Variants in SLC14A2 observed in about 807,000 individuals in gnomAD.
The protein encoded by SLC14A2 is urea transporter 2.
Under a neutral mutation model 104.6 loss-of-function variants are expected in SLC14A2, and 91 were observed. The observed-to-expected ratio is 0.87, with a 90% CI of 0.73 to 1.04. SLC14A2 has a LOEUF of 1.04. Among genes scored for constraint, SLC14A2 ranks in the 50% least tolerant of loss-of-function variants. The pLI, the probability that SLC14A2 is intolerant of heterozygous loss-of-function variation, is 0.00. For synonymous variants in SLC14A2, 476 were observed against 466.4 expected, an observed-to-expected ratio of 1.02 and a Z score of -0.27; for missense variants, 1,189 against 1,156.0, an observed-to-expected ratio of 1.03 and a Z score of -0.41.
chr18:45,581,566 C>T (rs190789928), intron 2 of SLC14A2, among the ~76,000 whole-genome samples: 1 of 152,282 alleles, frequency 6.6e-6, no homozygotes, highest in Non-Finnish European at 1.5e-5. Flanking sequence ...GTCTTACAGA[C>T]TGAGTTTTAA....
intron 1 of SLC14A2, among the ~76,000 whole-genome samples, chr18:45,459,145 G>A (rs1449381559): frequency 1.3e-5 from 2 of 152,080 alleles, no homozygotes; most frequent in East Asian, 1.9e-4. Flanking sequence ...CAATGGAAAG[G>A]GCACCAGCCA....
At chr18:45,537,782 C>T (rs1290960035) in intron 2 of SLC14A2, among the ~76,000 whole-genome samples, 1 of 152,010 alleles carries the variant, frequency 6.6e-6, no homozygotes, top group African/African-American at 2.4e-5. Context: ...AAGAGTTGCC[C>T]CTAACTGCAA....
At chr18:45,544,427 A>T (rs1025384626) in intron 2 of SLC14A2, among the ~76,000 whole-genome samples, 11 of 152,218 alleles carry the variant, frequency 7.2e-5, no homozygotes, top group Non-Finnish European at 1.5e-4. Context: ...ACTTTTTCTT[A>T]TACAACTTTC....
At chr18:45,280,401 A>T (rs144419649) in intron 1 of SLC14A2, among the ~76,000 whole-genome samples, 2 of 152,306 alleles carry the variant, frequency 1.3e-5, no homozygotes, top group East Asian at 3.9e-4. Flanking sequence ...AGGGGCCACA[A>T]GCAGGTTGGA....
chr18:45,331,690 CAAAA>C (rs11348476), intron 1 of SLC14A2, among the ~76,000 whole-genome samples: 8 of 87,456 alleles, frequency 9.1e-5, no homozygotes, highest in African/African-American at 2.3e-4. Context: ...GACTCCGTCT[CAAAA>C]AAAAAAAAAA....
intron 2 of SLC14A2, among the ~76,000 whole-genome samples, chr18:45,531,289 T>C (rs1004256603): frequency 6.6e-6 from 1 of 152,196 alleles, no homozygotes; most frequent in Non-Finnish European, 1.5e-5. Context: ...ACTTCCACAA[T>C]GGTTGAACTA....
At chr18:45,293,668 T>G (rs1206760617) in intron 1 of SLC14A2, among the ~76,000 whole-genome samples, 1 of 152,204 alleles carries the variant, frequency 6.6e-6, no homozygotes, top group Non-Finnish European at 1.5e-5. Flanking sequence ...AGTTTGATCT[T>G]TAAAGCGGGA....
intron 2 of SLC14A2, among the ~76,000 whole-genome samples, chr18:45,545,939 G>T (rs1047442044): frequency 3.3e-5 from 5 of 152,004 alleles, no homozygotes; most frequent in Non-Finnish European, 5.9e-5. Flanking sequence ...TCGTTTATTT[G>T]CACTCATATA....
chr18:45,358,956 G>A (rs956178853), intron 1 of SLC14A2, among the ~76,000 whole-genome samples: 1 of 152,186 alleles, frequency 6.6e-6, no homozygotes, highest in Non-Finnish European at 1.5e-5. Flanking sequence ...TTGAATATCA[G>A]ATCCAAACCT....
chr18:45,234,922 G>A (rs970071620), intron 1 of SLC14A2, among the ~76,000 whole-genome samples: 6 of 151,968 alleles, frequency 3.9e-5, no homozygotes, highest in African/African-American at 1.2e-4. Flanking sequence ...GACAGATGAA[G>A]CAGGTGTTAG....
At chr18:45,560,019 T>G (rs2044181307) in intron 2 of SLC14A2, among the ~76,000 whole-genome samples, 2 of 152,218 alleles carry the variant, frequency 1.3e-5, no homozygotes. Context: ...AAATGTCCTC[T>G]GCCTACACGT....
At chr18:45,682,194 A>G (rs2046320277) in intron 19 of SLC14A2, 125 bp from the exon 20 acceptor site, 1 of 791,296 alleles carries the variant, frequency 1.3e-6, no homozygotes, top group East Asian at 2.4e-5. Context: ...ATTGGTCATC[A>G]ATGAAGTATC....
chr18:45,214,205 G>T (rs2083987304), intron 1 of SLC14A2, among the ~76,000 whole-genome samples: 1 of 152,170 alleles, frequency 6.6e-6, no homozygotes, highest in East Asian at 1.9e-4. Flanking sequence ...AATGAGAATT[G>T]TATAAATTTA....
chr18:45,636,701 T>A (rs924343386), intron 5 of SLC14A2, among the ~76,000 whole-genome samples: 1 of 152,192 alleles, frequency 6.6e-6, no homozygotes, highest in Non-Finnish European at 1.5e-5. Context: ...TTTTATAAAG[T>A]GTTTTACTCA....
At chr18:45,216,478 T>C (rs553269373) in intron 1 of SLC14A2, among the ~76,000 whole-genome samples, 3 of 152,308 alleles carry the variant, frequency 2.0e-5, no homozygotes, top group East Asian at 1.9e-4. Flanking sequence ...GGGGGTGTTA[T>C]GTTGGTGCTC....
chr18:45,248,945 G>T (rs566343357), intron 1 of SLC14A2, among the ~76,000 whole-genome samples: 28 of 152,298 alleles, frequency 1.8e-4, no homozygotes, highest in Non-Finnish European at 3.8e-4. Context: ...AATGATTTAT[G>T]AACCTGAGTG....
Position 45,260,663 on chromosome 18 carries a change from C to G in SLC14A2, c.-125+47472C>G, listed in dbSNP as rs1481683782. Among the ~76,000 whole-genome samples the G allele has an allele frequency of 3.3e-5, 5 of 152,138 alleles. No homozygotes were observed. In the East Asian group the frequency reaches 9.6e-4, roughly 29 times the overall value. On this transcript the variant is annotated intron_variant, in intron 1 of 20. Transcript: ENST00000586448. ...AATGAAATCATGTCCTTTGCAGCAA[C>G]ATGGATGCAGCTGGAGGGCATTATC...
chr18:45,511,960 G>A (rs2043371650), intron 2 of SLC14A2, among the ~76,000 whole-genome samples: 1 of 152,158 alleles, frequency 6.6e-6, no homozygotes, highest in Non-Finnish European at 1.5e-5. Flanking sequence ...GTAGACTGTG[G>A]CATCAAGGCA....
At chr18:45,660,468 A>G (rs1476442783) in intron 10 of SLC14A2, among the ~76,000 whole-genome samples, 1 of 152,142 alleles carries the variant, frequency 6.6e-6, no homozygotes, top group Non-Finnish European at 1.5e-5. Context: ...CTGCAAATTT[A>G]TTTTCCAGCG....
Sources: allele counts gnomAD v4.1 joint callset (sites outside exome capture counted in the v4.1 genomes callset), GRCh38; gene constraint gnomAD v4.1.1; transcripts MANE v1.5; gene names NCBI Gene and HGNC (gene_info 2026-07-23, HGNC 2026-07-21).